Variants in TRPM3 observed in about 807,000 individuals in gnomAD.
TRPM3 encodes long transient receptor potential channel 3.
A neutral mutation model predicts 181.2 loss-of-function variants in TRPM3; 77 were observed. The observed-to-expected ratio is 0.42, with a 90% CI of 0.35 to 0.51. The LOEUF (loss-of-function observed/expected upper bound fraction) is 0.51, where lower values mean the gene tolerates loss of function less well. TRPM3 is among the 20% of genes least tolerant of loss of function. The pLI, the probability that TRPM3 is intolerant of heterozygous loss-of-function variation, is 0.01. For missense variants in TRPM3, 1,759 were observed against 2,196.7 expected, an observed-to-expected ratio of 0.80 and a Z score of 3.98; for synonymous variants, 745 against 796.4, an observed-to-expected ratio of 0.94 and a Z score of 1.09.
chr9:70,865,159 G>A (rs569757983), intron 1 of TRPM3, among the ~76,000 whole-genome samples: 1 of 151,876 alleles, frequency 6.6e-6, no homozygotes, highest in South Asian at 2.1e-4. Flanking sequence ...TTTCTTGTGC[G>A]CCCCACACGC....
intron 6 of TRPM3, among the ~76,000 whole-genome samples, chr9:70,807,796 T>C (rs914775883): frequency 6.6e-6 from 1 of 151,916 alleles, no homozygotes; most frequent in Admixed American, 6.6e-5. Flanking sequence ...AGCAAGAGCA[T>C]GGAGGATGAG....
chr9:70,919,392 G>A (rs1420836586), intron 1 of TRPM3, among the ~76,000 whole-genome samples: 5 of 152,112 alleles, frequency 3.3e-5, no homozygotes, highest in Non-Finnish European at 7.4e-5. Context: ...AGCCTGGAAG[G>A]GCTTTCTCCA....
intron 3 of TRPM3, among the ~76,000 whole-genome samples, chr9:70,855,116 G>T (rs2095353179): frequency 1.3e-5 from 2 of 152,134 alleles, no homozygotes; most frequent in Non-Finnish European, 2.9e-5. Flanking sequence ...CTCTCTGACT[G>T]CTTTATCATT....
intron 1 of TRPM3, among the ~76,000 whole-genome samples, chr9:71,407,880 A>G (rs1272911347): frequency 6.6e-6 from 1 of 152,170 alleles, no homozygotes; most frequent in African/African-American, 2.4e-5. Flanking sequence ...AAGCTTCTAG[A>G]GGAAGATCAG....
intron 1 of TRPM3, among the ~76,000 whole-genome samples, chr9:71,282,010 A>G (rs541955124): frequency 6.6e-6 from 1 of 152,130 alleles, no homozygotes; most frequent in East Asian, 1.9e-4. Context: ...GTGGCAAGCC[A>G]AGACCACAAC....
At chr9:71,034,467 C>T (rs1457948188) in intron 1 of TRPM3, among the ~76,000 whole-genome samples, 1 of 151,908 alleles carries the variant, frequency 6.6e-6, no homozygotes, top group African/African-American at 2.4e-5. Flanking sequence ...GGTTTGGGGT[C>T]ACTTCTATGT....
At chr9:71,305,495 A>G (rs1389377137) in intron 1 of TRPM3, among the ~76,000 whole-genome samples, 1 of 152,182 alleles carries the variant, frequency 6.6e-6, no homozygotes, top group African/African-American at 2.4e-5. Context: ...GGTCTGGTAA[A>G]TAAAATTACA....
At chr9:71,086,185 TG>T (rs2065227803) in intron 1 of TRPM3, among the ~76,000 whole-genome samples, 1 of 151,602 alleles carries the variant, frequency 6.6e-6, no homozygotes, top group African/African-American at 2.4e-5. Flanking sequence ...TAATAAACAG[TG>T]GGGACTACTA....
chr9:70,689,714 T>A (rs2067966721), intron 8 of TRPM3, among the ~76,000 whole-genome samples: 2 of 152,088 alleles, frequency 1.3e-5, no homozygotes, highest in African/African-American at 4.8e-5. Flanking sequence ...CTAATACATA[T>A]GAAACTTTGG....
At chr9:70,849,915 A>G (rs1334073231) in intron 3 of TRPM3, among the ~76,000 whole-genome samples, 1 of 152,206 alleles carries the variant, frequency 6.6e-6, no homozygotes, top group African/African-American at 2.4e-5. Flanking sequence ...GTTAAAGTAT[A>G]TTTGAAATAT....
intron 7 of TRPM3, among the ~76,000 whole-genome samples, chr9:70,765,942 G>C (rs4745038): frequency 6.6e-6 from 1 of 152,084 alleles, no homozygotes; most frequent in African/African-American, 2.4e-5. Flanking sequence ...TACGGTCATA[G>C]TATTATGTGA....
intron 1 of TRPM3, among the ~76,000 whole-genome samples, chr9:71,071,062 A>G (rs2062702036): frequency 6.6e-6 from 1 of 152,170 alleles, no homozygotes. Flanking sequence ...GGAGCCTTAC[A>G]AGGCTTTAGT....
Position 70,564,775 on chromosome 9 carries a change from G to T in TRPM3, c.3224-11465C>A, listed in dbSNP as rs371361779. Among the ~76,000 whole-genome samples the T allele has an allele frequency of 1.8e-4, 27 of 152,284 alleles. No homozygotes were observed. The East Asian group carries it at 3.5e-3, about 20-fold the overall frequency. Reference sequence around the variant, plus strand: ...CTCTTGTCGACTCCCATTGCATTGTGCCTGAGGGGTTATATGATATCTACA... The same window carrying T: ...CTCTTGTCGACTCCCATTGCATTGTTCCTGAGGGGTTATATGATATCTACA... On this transcript the variant is annotated intron_variant, in intron 22 of 25. Transcript: ENST00000677713.
chr9:71,062,847 T>A (rs1414855273), intron 1 of TRPM3, among the ~76,000 whole-genome samples: 1 of 152,024 alleles, frequency 6.6e-6, no homozygotes, highest in South Asian at 2.1e-4. Flanking sequence ...CTACCACAGA[T>A]AATACAGCAA....
At chr9:70,606,246 A>G (rs7862783) in intron 19 of TRPM3, among the ~76,000 whole-genome samples, 107,668 of 152,014 alleles carry the variant, frequency 0.71, 38,411 homozygotes, top group East Asian at 0.78. Context: ...GAGGCCCAAT[A>G]AATGCTGGCT....
rs2081841750 is a variant in TRPM3 at position 70,778,329 on chromosome 9, A to G, written c.1148+5776T>C. Among the ~76,000 whole-genome samples the G allele has an allele frequency of 3.3e-5, 5 of 152,320 alleles. No individual in the cohort carries two copies. The South Asian group carries it at 1.0e-3, about 32-fold the overall frequency. Reference sequence around the variant, plus strand: ...ACCTTTTGTGCCTTTATCAAAGCACACATGACCTTCTAGTTATCTGCACTT... The same window carrying G: ...ACCTTTTGTGCCTTTATCAAAGCACGCATGACCTTCTAGTTATCTGCACTT... On this transcript the variant is annotated intron_variant, in intron 7 of 25. Transcript: ENST00000677713.
At chr9:71,310,632 TTAAC>T (rs142645264) in intron 1 of TRPM3, among the ~76,000 whole-genome samples, 55 of 152,284 alleles carry the variant, frequency 3.6e-4, no homozygotes, top group Non-Finnish European at 6.8e-4. Flanking sequence ...TCTTGTATGA[TTAAC>T]TAATCCAGTT....
At position 70,845,906 on chromosome 9, in the gene TRPM3, G is replaced by C. The variant is rs369475471; in HGVS notation, c.676+472C>G. 1.7e-4 allele frequency among the ~76,000 whole-genome samples: 26 copies of C among 152,316 alleles called. No homozygotes were observed. In the South Asian group the frequency reaches 4.6e-3, roughly 27 times the overall value. On this transcript the variant is annotated intron_variant, in intron 4 of 25. Transcript: ENST00000677713. ...GTGTCTTCCATTGGCACAGTGAGGA[G>C]TTAATAAAATATTTTAAACAATAAA...
chr9:71,396,780 G>T (rs1391148373), intron 1 of TRPM3, among the ~76,000 whole-genome samples: 1 of 150,680 alleles, frequency 6.6e-6, no homozygotes, highest in African/African-American at 2.5e-5. Context: ...TGGCTAACAC[G>T]GTGAAACCCC....
Sources: gnomAD v4.1 joint callset for allele counts (sites outside exome capture counted in the v4.1 genomes callset) on GRCh38, gnomAD v4.1.1 for gene constraint, MANE v1.5 for transcripts, NCBI Gene and HGNC (gene_info 2026-07-23, HGNC 2026-07-21) for gene names.